CSNK1G1: variants seen among roughly 807,000 people sequenced by gnomAD.
CSNK1G1 encodes the protein casein kinase 1 gamma 1.
In CSNK1G1, 22 loss-of-function variants were observed where a neutral mutation model predicts 59.6. The observed-to-expected ratio is 0.37, with a 90% CI of 0.26 to 0.53. The LOEUF (loss-of-function observed/expected upper bound fraction) is 0.53, where lower values mean the gene tolerates loss of function less well. Ranked by LOEUF, CSNK1G1 falls within the 20% of genes least tolerant of loss-of-function variation. The pLI is 0.89. For synonymous variants in CSNK1G1, 179 were observed against 177.1 expected (o/e 1.01, Z -0.08); for missense variants, 384 against 519.5 (o/e 0.74, Z 2.54).
At chr15:64,225,692 T>A (rs908088242) in intron 4 of CSNK1G1, among the ~76,000 whole-genome samples, 1 of 152,192 alleles carries the variant, frequency 6.6e-6, no homozygotes, top group East Asian at 1.9e-4. Context: ...AATGGCGTGA[T>A]CTCGGCTCAC....
chr15:64,251,457 A>T, intron 4 of CSNK1G1, 55 bp downstream of exon 4: 1 of 1,292,512 alleles, frequency 7.7e-7, no homozygotes, highest in Non-Finnish European at 1.1e-6. Flanking sequence ...TGTATATTTT[A>T]GGGCTTCCAG....
intron 2 of CSNK1G1, among the ~76,000 whole-genome samples, chr15:64,282,888 C>A (rs763928383): frequency 6.6e-6 from 1 of 152,152 alleles, no homozygotes; most frequent in African/African-American, 2.4e-5. Flanking sequence ...ATGCATTTCC[C>A]CAATGGCTAA....
At chr15:64,239,274 A>C (rs2082662452) in intron 4 of CSNK1G1, among the ~76,000 whole-genome samples, 1 of 152,168 alleles carries the variant, frequency 6.6e-6, no homozygotes, top group South Asian at 2.1e-4. Flanking sequence ...AAGAAGCATA[A>C]CTCTTTAGTA....
At chr15:64,310,897 C>T (rs1004983071) in intron 1 of CSNK1G1, among the ~76,000 whole-genome samples, 3 of 149,486 alleles carry the variant, frequency 2.0e-5, no homozygotes, top group African/African-American at 4.9e-5. Context: ...CCCAGCTACT[C>T]GGGAAGCCGA....
Position 64,180,356 on chromosome 15 carries a change from C to T in CSNK1G1, c.1206G>A (p.Glu402=). 6.2e-7 allele frequency: 1 copy of T among 1,613,840 alleles called. No homozygotes were observed. The highest frequency in any genetic ancestry group is 8.5e-7 in the Non-Finnish European group (1 of 1,179,710). The change falls in exon 11 of 12, where the codon GAG becomes GAA. Residue 402 remains glutamate (E), a synonymous_variant. Transcript: ENST00000303052. Reference sequence around the variant, plus strand: ...TTGAAAGATGTACGTACTTAGCTTCCTCCACTACCTCCACCTCGGCATGAG... The same window carrying T: ...TTGAAAGATGTACGTACTTAGCTTCTTCCACTACCTCCACCTCGGCATGAG... ...ITAHAEVEVV[E]EAKCCCFFKR...
chr15:64,218,575 G>A (rs1387992581), intron 4 of CSNK1G1, among the ~76,000 whole-genome samples: 1 of 151,726 alleles, frequency 6.6e-6, no homozygotes, highest in East Asian at 2.0e-4. Context: ...TTTTTGGAGA[G>A]ACAGGGTTTT....
At chr15:64,320,534 C>T (rs1429053694) in intron 1 of CSNK1G1, among the ~76,000 whole-genome samples, 1 of 151,962 alleles carries the variant, frequency 6.6e-6, no homozygotes, top group Non-Finnish European at 1.5e-5. Flanking sequence ...CAAAAATTAG[C>T]TAGGCGTGGT....
chr15:64,228,193 G>C (rs925465769), intron 4 of CSNK1G1, among the ~76,000 whole-genome samples: 1 of 151,920 alleles, frequency 6.6e-6, no homozygotes, highest in East Asian at 1.9e-4. Flanking sequence ...CTCAAGCCTT[G>C]TCAATTCCAG....
chr15:64,281,606 G>C (rs1369760276), intron 2 of CSNK1G1, among the ~76,000 whole-genome samples: 1 of 152,184 alleles, frequency 6.6e-6, no homozygotes, highest in Admixed American at 6.5e-5. Flanking sequence ...GGGAAGCCAA[G>C]GCAGTTGGAT....
At chr15:64,247,705 G>GATCAGGTCATC (rs1891832155) in intron 4 of CSNK1G1, among the ~76,000 whole-genome samples, 1 of 152,142 alleles carries the variant, frequency 6.6e-6, no homozygotes, top group Non-Finnish European at 1.5e-5. Flanking sequence ...TGAATTTCTA[G>GATCAGGTCATC]ATCAGGTCAT....
rs201382947 is a variant in CSNK1G1, at chr15:64,197,282, C to G, written c.1107+5800G>C. Among the ~76,000 whole-genome samples the G allele has an allele frequency of 1.3e-4, 20 of 152,352 alleles. No homozygotes were observed. The East Asian group carries it at 3.9e-3, about 29-fold the overall frequency. On this transcript the variant is annotated intron_variant, in intron 10 of 11. Coordinates refer to ENST00000303052, the MANE Select transcript of CSNK1G1 (RefSeq NM_022048.5). ...GCTCAGATTTCCCAGAATAAGGAGA[C>G]TCTTTAGGCATTATCATCAATGTCA...
chr15:64,308,878 C>G (rs1318849980), intron 1 of CSNK1G1, among the ~76,000 whole-genome samples: 2 of 137,730 alleles, frequency 1.5e-5, no homozygotes, highest in Non-Finnish European at 3.1e-5. Flanking sequence ...GCCTGGGCGA[C>G]AGAGTGAGAC....
intron 2 of CSNK1G1, among the ~76,000 whole-genome samples, chr15:64,281,522 T>C (rs1040850610): frequency 6.6e-6 from 1 of 152,064 alleles, no homozygotes; most frequent in Non-Finnish European, 1.5e-5. Context: ...TTAATGAGCA[T>C]AGAGTTTCCA....
chr15:64,218,447 T>C (rs1299835189), intron 4 of CSNK1G1, among the ~76,000 whole-genome samples: 1 of 151,722 alleles, frequency 6.6e-6, no homozygotes, highest in East Asian at 1.9e-4. Context: ...GGCTGGAGTA[T>C]AGTGGCGCAA....
At chr15:64,313,486 AAACT>A (rs1356839290) in intron 1 of CSNK1G1, among the ~76,000 whole-genome samples, 5 of 152,232 alleles carry the variant, frequency 3.3e-5, no homozygotes, top group Non-Finnish European at 7.3e-5. Flanking sequence ...CATTCTCAGC[AAACT>A]AACACAAGAA....
intron 2 of CSNK1G1, among the ~76,000 whole-genome samples, chr15:64,290,939 C>G (rs776670954): frequency 2.0e-5 from 3 of 152,084 alleles, no homozygotes; most frequent in African/African-American, 4.8e-5. Flanking sequence ...GTCTCCAACT[C>G]CTGACCTCAG....
At chr15:64,258,906 C>T (rs1345087596) in intron 3 of CSNK1G1, among the ~76,000 whole-genome samples, 1 of 151,988 alleles carries the variant, frequency 6.6e-6, no homozygotes, top group Non-Finnish European at 1.5e-5. Flanking sequence ...TAAGATACCT[C>T]TGTGAAAGAT....
At chr15:64,346,407 G>A (rs1897975253) in intron 1 of CSNK1G1, among the ~76,000 whole-genome samples, 3 of 148,892 alleles carry the variant, frequency 2.0e-5, no homozygotes, top group Admixed American at 6.7e-5. Flanking sequence ...AGTGACCTTG[G>A]GTTTGGAAAC....
intron 6 of CSNK1G1, among the ~76,000 whole-genome samples, chr15:64,212,249 G>A (rs1567375982): frequency 6.6e-6 from 1 of 152,188 alleles, no homozygotes. Context: ...GGATTTCCAT[G>A]TGGTTACTGA....
Sources: gnomAD v4.1 joint callset for allele counts (sites outside exome capture counted in the v4.1 genomes callset) on GRCh38, gnomAD v4.1.1 for gene constraint, MANE v1.5 for transcripts, NCBI Gene and HGNC (gene_info 2026-07-23, HGNC 2026-07-21) for gene names.